Variants in HDX observed in about 807,000 individuals in gnomAD.
The protein encoded by HDX is highly divergent homeobox, also known as chromosome X open reading frame 43.
HDX carries 19 observed loss-of-function variants against 45.2 expected under a neutral mutation model. The observed-to-expected ratio is 0.42, with a 90% CI of 0.29 to 0.62. The LOEUF is 0.62. Ranked by LOEUF, HDX falls within the 20% of genes least tolerant of loss-of-function variation. The probability of loss-of-function intolerance (pLI) is 0.20; values close to 1 mark genes in which losing one functional copy is unlikely to be tolerated. For synonymous variants in HDX, 188 were observed against 172.8 expected (o/e 1.09, Z -0.69); for missense variants, 532 against 493.9 (o/e 1.08, Z -0.73).
Position 84,481,827 on chromosome X carries a change from T to C in HDX, c.-1+6197A>G, listed in dbSNP as rs553246360. ...GAACCCATCACCCAAACAGTGAACATAGTACCCAGTAGGTAGTTTTTCAAA... is the reference window on the plus strand; with the variant it reads ...GAACCCATCACCCAAACAGTGAACACAGTACCCAGTAGGTAGTTTTTCAAA... On this transcript the variant is annotated intron_variant, in intron 2 of 10. Transcript: ENST00000373177. Among the ~76,000 whole-genome samples the C allele has an allele frequency of 1.2e-4, 13 of 111,435 alleles. No individual in the cohort carries two copies. The South Asian group carries it at 5.0e-3, about 42-fold the overall frequency.
chrX:84,404,775 T>C (rs936947953), intron 5 of HDX, among the ~76,000 whole-genome samples: 1 of 111,480 alleles, frequency 9.0e-6, no homozygotes, highest in Non-Finnish European at 1.9e-5. Flanking sequence ...GTGAGGTGTA[T>C]GAAGTAGACA....
At chrX:84,417,212 AAAAG>A (rs1302865493) in intron 5 of HDX, among the ~76,000 whole-genome samples, 1 of 54,289 alleles carries the variant, frequency 1.8e-5, no homozygotes, top group African/African-American at 6.1e-5. Context: ...AGAAAGAAAA[AAAAG>A]AGAGAAAGAA....
At chrX:84,498,652 G>A (rs1456214944) in intron 1 of HDX, among the ~76,000 whole-genome samples, 1 of 111,786 alleles carries the variant, frequency 8.9e-6, no homozygotes, top group African/African-American at 3.2e-5. Flanking sequence ...GGAAATAAAT[G>A]TTTTTAAAAT....
intron 4 of HDX, among the ~76,000 whole-genome samples, chrX:84,442,928 G>A (rs1208295979): frequency 9.0e-6 from 1 of 111,526 alleles, no homozygotes; most frequent in Non-Finnish European, 1.9e-5. Context: ...AATAGAATTT[G>A]TATAAACACT....
intron 9 of HDX, among the ~76,000 whole-genome samples, chrX:84,332,106 C>G (rs980408787): frequency 5.4e-5 from 6 of 111,457 alleles, no homozygotes; most frequent in African/African-American, 2.0e-4. Flanking sequence ...CTTTTTAAAA[C>G]CAACATCCTG....
intron 5 of HDX, among the ~76,000 whole-genome samples, chrX:84,408,368 G>T (rs908646431): frequency 5.4e-5 from 6 of 110,312 alleles, no homozygotes; most frequent in Admixed American, 3.9e-4. Flanking sequence ...TAGGTATGCA[G>T]CTTTATTTCT....
chrX:84,424,299 T>C (rs764805857), intron 5 of HDX, among the ~76,000 whole-genome samples: 53 of 110,714 alleles, frequency 4.8e-4, no homozygotes, highest in African/African-American at 1.7e-3. Flanking sequence ...AAAACACTGA[T>C]GGAAGACAAT....
At chrX:84,493,813 G>T (rs1353881347) in intron 1 of HDX, among the ~76,000 whole-genome samples, 1 of 111,297 alleles carries the variant, frequency 9.0e-6, no homozygotes, top group Admixed American at 9.6e-5. Flanking sequence ...GGTGACTATA[G>T]TCAAAATAAT....
At chrX:84,408,620 C>G (rs1480453452) in intron 5 of HDX, among the ~76,000 whole-genome samples, 1 of 102,172 alleles carries the variant, frequency 9.8e-6, no homozygotes, top group Non-Finnish European at 2.0e-5. Flanking sequence ...GTAGTTTGAT[C>G]AGAATAGCAT....
chrX:84,485,740 A>G (rs2040777840), intron 2 of HDX, among the ~76,000 whole-genome samples: 1 of 111,743 alleles, frequency 8.9e-6, no homozygotes, highest in Admixed American at 9.5e-5. Flanking sequence ...TGTTAGGCAC[A>G]TATACATGTA....
At chrX:84,349,037 G>C (rs1280253403) in intron 6 of HDX, among the ~76,000 whole-genome samples, 1 of 111,086 alleles carries the variant, frequency 9.0e-6, no homozygotes, top group Non-Finnish European at 1.9e-5. Context: ...CTCCATGATT[G>C]TACACCCTGG....
chrX:84,420,721 A>C (rs2039233936), intron 5 of HDX, among the ~76,000 whole-genome samples: 1 of 111,738 alleles, frequency 8.9e-6, no homozygotes, highest in African/African-American at 3.3e-5. Context: ...ATCAATGATA[A>C]AGAAAGGACT....
chrX:84,385,120 G>A (rs1386540387), intron 5 of HDX, among the ~76,000 whole-genome samples: 2 of 105,881 alleles, frequency 1.9e-5, no homozygotes, highest in East Asian at 6.0e-4. Flanking sequence ...TGGGTGATGT[G>A]GCCATTTTAA....
rs760164599 is a variant in HDX at position 84,413,528 on chromosome X, T to C, written c.1305+27004A>G. 3.6e-5 allele frequency among the ~76,000 whole-genome samples: 4 copies of C among 111,563 alleles called. No individual in the cohort carries two copies. The Admixed American group carries it at 3.8e-4, about 11-fold the overall frequency. ...CAGGAATCTGCCGTGTAGGAGCCAA[T>C]GTGTTCCTGGTCTGCTGGCACTCAC... On this transcript the variant is annotated intron_variant, in intron 5 of 10. Coordinates refer to ENST00000373177, the MANE Select transcript of HDX (RefSeq NM_001177479.2).
At chrX:84,488,762 G>T (rs998426815) in intron 1 of HDX, among the ~76,000 whole-genome samples, 5 of 111,771 alleles carry the variant, frequency 4.5e-5, no homozygotes, top group African/African-American at 6.5e-5. Context: ...CTCTTGAGTT[G>T]TTAAACAGGG....
intron 4 of HDX, among the ~76,000 whole-genome samples, chrX:84,455,202 G>C (rs2040087286): frequency 9.0e-6 from 1 of 111,616 alleles, no homozygotes; most frequent in Non-Finnish European, 1.9e-5. Flanking sequence ...GGCCATCCAG[G>C]AAAACATGAC....
At chrX:84,482,871 T>C (rs966399595) in intron 2 of HDX, among the ~76,000 whole-genome samples, 8 of 112,196 alleles carry the variant, frequency 7.1e-5, no homozygotes, top group Admixed American at 3.8e-4. Flanking sequence ...AGTTACTTCC[T>C]AGATACAATG....
At chrX:84,490,440 T>C (rs1428306705) in intron 1 of HDX, among the ~76,000 whole-genome samples, 1 of 111,915 alleles carries the variant, frequency 8.9e-6, no homozygotes, top group East Asian at 2.8e-4. Flanking sequence ...TTACAAATGC[T>C]ACTAAATCCC....
chrX:84,468,598 T>G lies in HDX; in HGVS notation c.1125A>C (p.Pro375=), dbSNP rs745795390. 25 of 1,199,718 alleles carry G rather than the reference T, an allele frequency of 2.1e-5. No individual in the cohort carries two copies. Among genetic ancestry groups the G allele is most frequent in the Non-Finnish European group, 2.8e-5 (25 of 885,879 alleles). Residue 375 remains proline, a synonymous_variant, in exon 4 of 11, where the codon CCA becomes CCC. Transcript: ENST00000373177. The part of the protein sequence containing the change: ...LYQNRNYHLT[P]RTSLHTASST... ...TAGATGCTGTATGTAATGAGGTCCG[T>G]GGTGTCAAATGGTAGTTTCTGTTTT...
Sources: gnomAD v4.1 joint callset for allele counts (sites outside exome capture counted in the v4.1 genomes callset) on GRCh38, gnomAD v4.1.1 for gene constraint, MANE v1.5 for transcripts, NCBI Gene and HGNC (gene_info 2026-07-23, HGNC 2026-07-21) for gene names.